The following SMYD3 variants were observed in gnomAD, a reference collection of about 807,000 sequenced individuals.
The protein encoded by SMYD3 is histone-lysine N-methyltransferase SMYD3.
Under a neutral mutation model 57.7 loss-of-function variants are expected in SMYD3, and 36 were observed. That is an observed-to-expected ratio of 0.62 (90% CI 0.48 to 0.82). The LOEUF (loss-of-function observed/expected upper bound fraction) is 0.82, where lower values mean the gene tolerates loss of function less well. SMYD3 is among the 40% of genes least tolerant of loss of function. The pLI is 0.00. For synonymous variants in SMYD3, 211 were observed against 195.0 expected (o/e 1.08, Z -0.68); for missense variants, 515 against 538.8 (o/e 0.96, Z 0.44).
intron 11 of SMYD3, among the ~76,000 whole-genome samples, chr1:245,758,338 T>C (rs1052941696): frequency 6.6e-6 from 1 of 152,182 alleles, no homozygotes; most frequent in Admixed American, 6.6e-5. Flanking sequence ...GTCATCTGTA[T>C]ATAGAGATAA....
At chr1:246,499,645 G>A (rs181211866) in intron 1 of SMYD3, among the ~76,000 whole-genome samples, 241 of 152,010 alleles carry the variant, frequency 1.6e-3, no homozygotes, top group African/African-American at 5.6e-3. Flanking sequence ...TAGTAGAGAC[G>A]GGGTTTCGCT....
Position 245,928,014 on chromosome 1 carries a change from T to C in SMYD3, c.619A>G (p.Ser207Gly). 1.2e-6 allele frequency: 2 copies of C among 1,612,076 alleles called. No homozygotes were observed. The highest frequency in any genetic ancestry group is 1.7e-6 in the Non-Finnish European group (2 of 1,178,792). ...LYPSISLLNH[S>G]CDPNCSIVFN... ...ACAATCGAACAGTTGGGGTCACAGC[T>C]GTGATTGAGCAAAGAGATACTGGAA... Residue 207 changes from serine (S) to glycine (G), a missense_variant, in exon 7 of 12, where the codon AGC becomes GGC. Physicochemically the swap from Ser to Gly is moderately conservative, Grantham distance 56. Transcript: ENST00000490107.
At chr1:246,053,619 G>T (rs573982569) in intron 5 of SMYD3, among the ~76,000 whole-genome samples, 9 of 152,078 alleles carry the variant, frequency 5.9e-5, no homozygotes, top group Non-Finnish European at 1.3e-4. Flanking sequence ...GGAGAATCAA[G>T]AAAACCCTTA....
chr1:246,408,747 G>A (rs2066911785), intron 1 of SMYD3, among the ~76,000 whole-genome samples: 1 of 130,642 alleles, frequency 7.7e-6, no homozygotes, highest in Non-Finnish European at 1.5e-5. Flanking sequence ...TCAGTTCACT[G>A]CAAACTCTGC....
chr1:245,835,663 T>C (rs1016813200), intron 10 of SMYD3, among the ~76,000 whole-genome samples: 1 of 152,190 alleles, frequency 6.6e-6, no homozygotes, highest in African/African-American at 2.4e-5. Flanking sequence ...ACAAGCTTGG[T>C]ACTCTAACAC....
chr1:245,994,378 C>T (rs994591247), intron 5 of SMYD3, among the ~76,000 whole-genome samples: 5 of 152,156 alleles, frequency 3.3e-5, no homozygotes, highest in South Asian at 2.1e-4. Context: ...CTGAGAGGGA[C>T]GCGGGGCTTT....
At chr1:245,775,149 C>T (rs937262058) in intron 10 of SMYD3, among the ~76,000 whole-genome samples, 27 of 152,210 alleles carry the variant, frequency 1.8e-4, no homozygotes, top group African/African-American at 6.5e-4. Flanking sequence ...AGCATCTCCG[C>T]CCGGCAGCCG....
At chr1:245,817,207 G>C (rs535472848) in intron 10 of SMYD3, among the ~76,000 whole-genome samples, 31 of 146,988 alleles carry the variant, frequency 2.1e-4, no homozygotes, top group African/African-American at 6.9e-4. Context: ...TCTGAGAACG[G>C]GCAGACTGCC....
intron 5 of SMYD3, among the ~76,000 whole-genome samples, chr1:245,982,077 G>A (rs901618386): frequency 6.6e-6 from 1 of 152,178 alleles, no homozygotes; most frequent in African/African-American, 2.4e-5. Context: ...AAGTTTTTGG[G>A]TAATGCTCAA....
chr1:246,193,431 A>G lies in SMYD3; in HGVS notation c.531+133770T>C, dbSNP rs555566053. Among the ~76,000 whole-genome samples the G allele has an allele frequency of 2.0e-5, 3 of 152,372 alleles. No homozygotes were observed. The South Asian group carries it at 6.2e-4, about 32-fold the overall frequency. On this transcript the variant is annotated intron_variant, in intron 5 of 11. Transcript: ENST00000490107. ...TGAATGTATTCTTCAGAATATGTTT[A>G]TTTGTATGATCTTTTACGTACCCTT...
intron 8 of SMYD3, among the ~76,000 whole-genome samples, chr1:245,885,549 A>G (rs1297424514): frequency 6.6e-6 from 1 of 151,952 alleles, no homozygotes; most frequent in Non-Finnish European, 1.5e-5. Context: ...CTGCCCAACT[A>G]ATTTCTTTTT....
chr1:246,238,767 T>G (rs1289034810), intron 5 of SMYD3, among the ~76,000 whole-genome samples: 1 of 152,178 alleles, frequency 6.6e-6, no homozygotes. Context: ...ATAAGAAGCC[T>G]AGATAATTAG....
At position 245,921,547 on chromosome 1, in the gene SMYD3, G is replaced by GTATATATATATATATATATATATATATA. The variant is rs1491323831; in HGVS notation, c.703-5908_703-5907insTATATATATATATATATATATATATATA. Among the ~76,000 whole-genome samples, 146 of 35,006 alleles carry GTATATATATATATATATATATATATATA rather than the reference G, an allele frequency of 4.2e-3. 7 individuals carry two copies. Among genetic ancestry groups the GTATATATATATATATATATATATATATA allele is most frequent in the Non-Finnish European group, 7.6e-3 (86 of 11,368 alleles). The allele number at this position is 35,006 out of a possible 152,430, so 23.0% of individuals were successfully genotyped here. A position where few individuals can be genotyped will look rare whatever the true frequency, so the allele number is the denominator to read the frequency against. ...CATCAACAGTGAGCTAAAAAATGTG[G>GTATATATATATATATATATATATATATA]TGTATATATATATATATATATATAC... On this transcript the variant is annotated intron_variant, in intron 7 of 11. Transcript: ENST00000490107.
At chr1:246,326,453 C>T in intron 5 of SMYD3, 1 of 645,402 alleles carries the variant, frequency 1.5e-6, no homozygotes, top group Non-Finnish European at 2.7e-6. Flanking sequence ...CCAAGATAAA[C>T]CCTCGGAATC....
chr1:246,496,258 T>C (rs1558491574), intron 1 of SMYD3, among the ~76,000 whole-genome samples: 1 of 151,952 alleles, frequency 6.6e-6, no homozygotes. Context: ...ATGGTCTCTA[T>C]CTCTTGACCT....
At chr1:246,281,989 C>A (rs1049800628) in intron 5 of SMYD3, among the ~76,000 whole-genome samples, 1 of 152,144 alleles carries the variant, frequency 6.6e-6, no homozygotes, top group African/African-American at 2.4e-5. Flanking sequence ...GGTAGAATGT[C>A]ATTAAATTCC....
At chr1:246,178,610 C>T (rs1395227736) in intron 5 of SMYD3, among the ~76,000 whole-genome samples, 13 of 152,120 alleles carry the variant, frequency 8.5e-5, no homozygotes, top group Admixed American at 8.5e-4. Context: ...TAAAAACAGG[C>T]ACACCCACTC....
chr1:245,783,567 AT>A (rs1184573012), intron 10 of SMYD3, among the ~76,000 whole-genome samples: 1 of 152,206 alleles, frequency 6.6e-6, no homozygotes, highest in East Asian at 1.9e-4. Flanking sequence ...CAAAAAAAAA[AT>A]AACAGGATAT....
chr1:246,372,419 G>C (rs981497125), intron 1 of SMYD3, among the ~76,000 whole-genome samples: 5 of 152,170 alleles, frequency 3.3e-5, no homozygotes, highest in Admixed American at 6.5e-5. Context: ...AGAATACCTT[G>C]AGATGAAGTA....
Sources: gnomAD v4.1 joint callset for allele counts (sites outside exome capture counted in the v4.1 genomes callset) on GRCh38, gnomAD v4.1.1 for gene constraint, MANE v1.5 for transcripts, NCBI Gene and HGNC (gene_info 2026-07-23, HGNC 2026-07-21) for gene names.